Variants in DENND4C observed in about 807,000 individuals in gnomAD.
DENND4C encodes the protein DENN domain-containing protein 4C.
Under a neutral mutation model 203.0 loss-of-function variants are expected in DENND4C, and 108 were observed. The observed-to-expected ratio is 0.53, with a 90% CI of 0.46 to 0.62. The LOEUF (loss-of-function observed/expected upper bound fraction) is 0.62. Ranked by LOEUF, DENND4C falls within the 20% of genes least tolerant of loss-of-function variation. The pLI is 0.00. For missense variants in DENND4C, 2,481 were observed against 2,301.2 expected (o/e 1.08, Z -1.60); for synonymous variants, 871 against 792.4 (o/e 1.10, Z -1.67).
At position 19,346,596 on chromosome 9, in the gene DENND4C, T is replaced by C; in HGVS notation, c.3827T>C (p.Val1276Ala). 6.2e-7 allele frequency: 1 copy of C among 1,614,194 alleles called. No homozygotes were observed. Among genetic ancestry groups the C allele is most frequent in the Non-Finnish European group, 8.5e-7 (1 of 1,180,040 alleles). The change falls in exon 23 of 33, where the codon GTT becomes GCT. Residue 1276 changes from valine (V) to alanine (A), a missense_variant. Around this residue, in one of 3 missense-constraint regions of DENND4C, gnomAD observed 2,289 missense variants for 2,113.3 expected, o/e 1.08. Coordinates refer to ENST00000434457, the MANE Select transcript of DENND4C (RefSeq NM_001330640.2). ...PDSEDKLFSP[V>A]IARNLADEIE... ...TCTGAAGATAAGTTGTTTTCTCCAGTTATTGCACGTAATCTGGCTGATGAA... is the reference window on the plus strand; with the variant it reads ...TCTGAAGATAAGTTGTTTTCTCCAGCTATTGCACGTAATCTGGCTGATGAA...
chr9:19,331,044 A>G (rs1197653761), intron 16 of DENND4C, among the ~76,000 whole-genome samples: 1 of 151,904 alleles, frequency 6.6e-6, no homozygotes, highest in Non-Finnish European at 1.5e-5. Context: ...CGACAAAAGC[A>G]AGACTCTGTC....
rs182526333 is a variant in DENND4C, at chr9:19,370,828, G to A, written c.5675+841G>A. Among the ~76,000 whole-genome samples the A allele has an allele frequency of 3.6e-4, 55 of 152,314 alleles. 1 individual carries two copies. Among genetic ancestry groups the A allele is most frequent in the African/African-American group, 1.2e-3 (50 of 41,568 alleles). ...GCTTCAGAATAGTGTGCGTAATCGCGTATATCAAACATTCCTAATGTTTCC... is the reference window on the plus strand; with the variant it reads ...GCTTCAGAATAGTGTGCGTAATCGCATATATCAAACATTCCTAATGTTTCC... On this transcript the variant is annotated intron_variant, in intron 31 of 32. Coordinates refer to ENST00000434457, the MANE Select transcript of DENND4C (RefSeq NM_001330640.2).
In DENND4C at chr9:19,272,887, C is replaced by A. The variant is rs568786010; in HGVS notation, c.-17-3271C>A. 3.7e-3 allele frequency among the ~76,000 whole-genome samples: 562 copies of A among 151,132 alleles called. 8 individuals are homozygous for A. Among genetic ancestry groups the A allele is most frequent in the African/African-American group, 0.013 (522 of 40,780 alleles). On this transcript the variant is annotated intron_variant, in intron 1 of 32. Coordinates refer to ENST00000434457, the MANE Select transcript of DENND4C (RefSeq NM_001330640.2). Reference sequence around the variant, plus strand: ...GGTTCAAGTGATTCTCCTGTCTCAGCCTCCTGAGTAGCTGGGATTTCAGGC... The same window carrying A: ...GGTTCAAGTGATTCTCCTGTCTCAGACTCCTGAGTAGCTGGGATTTCAGGC...
chr9:19,365,948 A>G (rs1267435131), intron 30 of DENND4C, among the ~76,000 whole-genome samples: 1 of 152,192 alleles, frequency 6.6e-6, no homozygotes, highest in Non-Finnish European at 1.5e-5. Flanking sequence ...AAAGAATCCA[A>G]TGTTTATGGT....
chr9:19,236,612 G>T (rs559760743), intron 1 of DENND4C, among the ~76,000 whole-genome samples: 1 of 152,332 alleles, frequency 6.6e-6, no homozygotes, highest in South Asian at 2.1e-4. Context: ...AGAGCAGTTT[G>T]AGTGAGACCG....
At chr9:19,280,148 C>G (rs922466550) in intron 2 of DENND4C, among the ~76,000 whole-genome samples, 2 of 151,346 alleles carry the variant, frequency 1.3e-5, no homozygotes, top group African/African-American at 4.9e-5. Context: ...CTGCCTTCCT[C>G]CCTTCCTCCC....
chr9:19,268,681 G>A (rs1240161650), intron 1 of DENND4C, among the ~76,000 whole-genome samples: 3 of 152,034 alleles, frequency 2.0e-5, no homozygotes, highest in Non-Finnish European at 1.5e-5. Flanking sequence ...CTTCATGTTT[G>A]AAGGATATTT....
intron 2 of DENND4C, among the ~76,000 whole-genome samples, chr9:19,277,767 A>G (rs1022757847): frequency 6.6e-6 from 1 of 152,130 alleles, no homozygotes; most frequent in Non-Finnish European, 1.5e-5. Flanking sequence ...GTCTTTTACT[A>G]TTGAGTATGA....
chr9:19,360,147 T>C, intron 28 of DENND4C, 97 bp from the exon 29 acceptor site: 1 of 1,280,674 alleles, frequency 7.8e-7, no homozygotes, highest in Non-Finnish European at 1.1e-6. Flanking sequence ...AAATAACTGA[T>C]TTAAAAAGGA....
chr9:19,316,967 G>C, intron 12 of DENND4C, 128 bp downstream of exon 12: 3 of 869,854 alleles, frequency 3.4e-6, no homozygotes, highest in Non-Finnish European at 4.9e-6. Context: ...GAACCTCCAT[G>C]TATTTGTAAC....
intron 2 of DENND4C, among the ~76,000 whole-genome samples, chr9:19,283,078 G>T (rs543463381): frequency 6.4e-4 from 97 of 151,902 alleles, no homozygotes; most frequent in Non-Finnish European, 8.5e-4. Flanking sequence ...ATGTTGCCCA[G>T]GCTGTTCTTG....
intron 12 of DENND4C, 26 bp downstream of exon 12, chr9:19,316,865 C>T (rs1563796328): frequency 1.9e-6 from 3 of 1,557,516 alleles, no homozygotes; most frequent in Non-Finnish European, 2.6e-6. Context: ...AGTACAATTC[C>T]TTTTATTGAG....
chr9:19,256,223 A>G lies in DENND4C; in HGVS notation c.-17-19935A>G, dbSNP rs1430059085. On this transcript the variant is annotated intron_variant, in intron 1 of 32. Transcript: ENST00000434457. ...TCAGTAACAGAAAGATTCTTGGAAA[A>G]TTCCCAAGTACTGAATTTGGAAACT... Among the ~76,000 whole-genome samples the G allele has an allele frequency of 3.3e-5, 5 of 152,044 alleles. No individual in the cohort carries two copies. In the South Asian group the frequency reaches 8.3e-4, roughly 25 times the overall value.
chr9:19,265,327 A>G (rs1457886623), intron 1 of DENND4C, among the ~76,000 whole-genome samples: 1 of 151,916 alleles, frequency 6.6e-6, no homozygotes, highest in Non-Finnish European at 1.5e-5. Context: ...AATTTTTTAA[A>G]TTTTCCTTCT....
chr9:19,267,606 G>A (rs1386352688), intron 1 of DENND4C, among the ~76,000 whole-genome samples: 2 of 151,402 alleles, frequency 1.3e-5, no homozygotes, highest in Admixed American at 6.6e-5. Flanking sequence ...GTGTGATCAC[G>A]GATTACTGTG....
chr9:19,257,762 T>C (rs1238557860), intron 1 of DENND4C, among the ~76,000 whole-genome samples: 1 of 152,200 alleles, frequency 6.6e-6, no homozygotes. Context: ...ATGAACAACT[T>C]TATGCCAATA....
At chr9:19,306,759 ATTTATTTAT>A (rs1291117688) in intron 10 of DENND4C, among the ~76,000 whole-genome samples, 1 of 137,756 alleles carries the variant, frequency 7.3e-6, no homozygotes, top group African/African-American at 3.3e-5. Flanking sequence ...TTATTTATTT[ATTTATTTAT>A]TTATTTATTT....
At position 19,346,588 on chromosome 9, in the gene DENND4C, T is replaced by C; in HGVS notation, c.3819T>C (p.Phe1273=). The C allele has an allele frequency of 6.2e-7, 1 of 1,614,202 alleles. No homozygotes were observed. The highest frequency in any genetic ancestry group is 8.5e-7 in the Non-Finnish European group (1 of 1,180,038). The change falls in exon 23 of 33, where the codon TTT becomes TTC. Residue 1273 remains phenylalanine, a synonymous_variant. Transcript: ENST00000434457. ...CTCCTGATTCTGAAGATAAGTTGTT[T>C]TCTCCAGTTATTGCACGTAATCTGG... is the stretch of plus-strand genomic sequence containing the variant. ...GKTPDSEDKL[F]SPVIARNLAD...
intron 12 of DENND4C, among the ~76,000 whole-genome samples, chr9:19,321,571 G>A (rs187444614): frequency 1.3e-5 from 2 of 152,078 alleles, no homozygotes; most frequent in East Asian, 1.9e-4. Flanking sequence ...GAGGCCAGAC[G>A]CAGTGGCTCA....
Sources: gnomAD v4.1 joint callset for allele counts (sites outside exome capture counted in the v4.1 genomes callset) on GRCh38, gnomAD v4.1.1 for gene constraint, gnomAD v4.1.1 regional missense constraint, MANE v1.5 for transcripts, NCBI Gene and HGNC (gene_info 2026-07-23, HGNC 2026-07-21) for gene names.